The following FHOD3 variants were observed in gnomAD, a reference collection of about 807,000 sequenced individuals.
FHOD3 encodes FH1/FH2 domain-containing protein 3.
In FHOD3, 90 loss-of-function variants were observed where a neutral mutation model predicts 173.0. The observed-to-expected ratio is 0.52, with a 90% CI of 0.44 to 0.62. The LOEUF (loss-of-function observed/expected upper bound fraction) is 0.62. FHOD3 is among the 20% of genes least tolerant of loss of function. The pLI, the probability that FHOD3 is intolerant of heterozygous loss-of-function variation, is 0.00. For missense variants in FHOD3, 1,945 were observed against 2,034.7 expected, an observed-to-expected ratio of 0.96 and a Z score of 0.85; for synonymous variants, 828 against 823.0, an observed-to-expected ratio of 1.01 and a Z score of -0.10.
rs564867227 is a variant in FHOD3, at chr18:36,691,196, G to A, written c.2022-2013G>A. ...TGCAGAAGGCCAGGACCAGGAATGA[G>A]CCAGCAAAAATGAATGCAGCAAGTG... On this transcript the variant is annotated intron_variant, in intron 16 of 28. Transcript: ENST00000590592. Among the ~76,000 whole-genome samples the A allele has an allele frequency of 9.9e-5, 15 of 152,210 alleles. No individual in the cohort carries two copies. The South Asian group carries it at 3.1e-3, about 32-fold the overall frequency.
chr18:36,505,598 A>G (rs1818415603), intron 4 of FHOD3, among the ~76,000 whole-genome samples: 1 of 152,236 alleles, frequency 6.6e-6, no homozygotes, highest in Admixed American at 6.5e-5. Flanking sequence ...CAACAGGGTG[A>G]TTGAAGAAAT....
intron 17 of FHOD3, among the ~76,000 whole-genome samples, chr18:36,703,455 C>T (rs1208857026): frequency 2.6e-5 from 4 of 152,134 alleles, no homozygotes; most frequent in Non-Finnish European, 5.9e-5. Flanking sequence ...TGCTTAACCT[C>T]TCTGAACATG....
At chr18:36,542,331 G>A (rs867297943) in intron 5 of FHOD3, among the ~76,000 whole-genome samples, 22 of 152,210 alleles carry the variant, frequency 1.4e-4, no homozygotes, top group Middle Eastern at 6.8e-3. Context: ...TCTCTGTTAT[G>A]AACTCAAATC....
intron 5 of FHOD3, among the ~76,000 whole-genome samples, chr18:36,575,437 T>G (rs2058613381): frequency 6.6e-6 from 1 of 152,244 alleles, no homozygotes; most frequent in Non-Finnish European, 1.5e-5. Context: ...AAACTTTGTG[T>G]GTGTTTGTAA....
At chr18:36,763,545 G>A (rs1395822043) in intron 27 of FHOD3, among the ~76,000 whole-genome samples, 5 of 136,672 alleles carry the variant, frequency 3.7e-5, no homozygotes, top group Admixed American at 1.5e-4. Flanking sequence ...TATTATACAC[G>A]TTATATATAA....
intron 23 of FHOD3, among the ~76,000 whole-genome samples, chr18:36,745,228 A>C (rs1317260612): frequency 6.6e-6 from 1 of 152,180 alleles, no homozygotes; most frequent in African/African-American, 2.4e-5. Flanking sequence ...AGGTGCACCG[A>C]GCAGGGGACC....
chr18:36,475,478 G>C (rs1430571986), intron 3 of FHOD3, among the ~76,000 whole-genome samples: 1 of 151,304 alleles, frequency 6.6e-6, no homozygotes, highest in African/African-American at 2.4e-5. Context: ...CTCGTGGAGG[G>C]GTTGGGTGCG....
rs539456000 is a variant in FHOD3 at position 36,298,013 on chromosome 18, G to A, written c.165+13G>A. On this transcript the variant is annotated intron_variant, in intron 1 of 28. Coordinates refer to ENST00000590592, the MANE Select transcript of FHOD3 (RefSeq NM_001281740.3). ...GGCGCCGCACAAGGTACGACCCGGC[G>A]GGGTGGGCTGGGCCCCCTGGACTCA... 54 of 1,517,534 alleles carry A rather than the reference G, an allele frequency of 3.6e-5. No homozygotes were observed. The African/African-American group carries it at 7.3e-4, about 21-fold the overall frequency. 94.0% of individuals were successfully genotyped at this position (1,517,534 alleles called of 1,614,324 possible).
At chr18:36,341,823 C>T (rs2045639721) in intron 1 of FHOD3, among the ~76,000 whole-genome samples, 1 of 152,042 alleles carries the variant, frequency 6.6e-6, no homozygotes, top group Admixed American at 6.5e-5. Flanking sequence ...AAACATTATC[C>T]AGGACCTCTA....
chr18:36,752,458 G>A (rs2042443643), intron 24 of FHOD3, among the ~76,000 whole-genome samples: 1 of 152,178 alleles, frequency 6.6e-6, no homozygotes, highest in South Asian at 2.1e-4. Context: ...TGTTTGACTT[G>A]TGCTTTGGCT....
intron 3 of FHOD3, among the ~76,000 whole-genome samples, chr18:36,454,279 G>A (rs765962185): frequency 2.3e-4 from 35 of 151,668 alleles, no homozygotes; most frequent in Non-Finnish European, 5.0e-4. Flanking sequence ...CACACAAGAG[G>A]GTACACACAG....
chr18:36,597,898 T>TG (rs2148415085), intron 7 of FHOD3, among the ~76,000 whole-genome samples: 1 of 152,256 alleles, frequency 6.6e-6, no homozygotes, highest in South Asian at 2.1e-4. Flanking sequence ...TGGACATGTG[T>TG]GGTCTTGGCT....
intron 14 of FHOD3, among the ~76,000 whole-genome samples, chr18:36,662,467 G>T (rs1433558563): frequency 6.6e-6 from 1 of 152,168 alleles, no homozygotes. Flanking sequence ...CATGCATTCT[G>T]TTCTCTTTTC....
At position 36,602,654 on chromosome 18, in the gene FHOD3, G is replaced by T. The variant is rs764619786; in HGVS notation, c.719-20G>T. Reference sequence around the variant, plus strand: ...ATGTTGATGAATTGCTGTTTCTAATGATTTTTGCTTTACTCATAGGGGTCA... The same window carrying T: ...ATGTTGATGAATTGCTGTTTCTAATTATTTTTGCTTTACTCATAGGGGTCA... On this transcript the variant is annotated intron_variant, in intron 7 of 28. Transcript: ENST00000590592. 1.6e-5 allele frequency: 25 copies of T among 1,560,762 alleles called. No homozygotes were observed. Among genetic ancestry groups the T allele is most frequent in the Non-Finnish European group, 2.2e-5 (25 of 1,131,492 alleles).
rs138136318 is a variant in FHOD3, at chr18:36,355,526, C to G, written c.166-13C>G. ...AGGAGCAGGTTGGGTATAACAGGCT[C>G]TTTCTCTTGCAGCTGGATGACTGTA... On this transcript the variant is annotated splice_polypyrimidine_tract_variant and intron_variant, in intron 1 of 28. Coordinates refer to ENST00000590592, the MANE Select transcript of FHOD3 (RefSeq NM_001281740.3). The G allele has an allele frequency of 1.5e-4, 242 of 1,613,568 alleles. 1 individual carries two copies. In the East Asian group the frequency reaches 5.3e-3, roughly 35 times the overall value.
At chr18:36,768,268 T>G (rs1013359119) in intron 27 of FHOD3, among the ~76,000 whole-genome samples, 4 of 152,274 alleles carry the variant, frequency 2.6e-5, no homozygotes, top group Admixed American at 1.3e-4. Flanking sequence ...ATTACAAAGA[T>G]GTAGTTCTGG....
intron 1 of FHOD3, among the ~76,000 whole-genome samples, chr18:36,353,495 A>T (rs892208790): frequency 6.6e-6 from 1 of 152,160 alleles, no homozygotes; most frequent in African/African-American, 2.4e-5. Context: ...TTGAAATCTC[A>T]CTTATAGCAG....
intron 2 of FHOD3, among the ~76,000 whole-genome samples, chr18:36,357,336 T>G (rs1042637786): frequency 2.6e-5 from 4 of 152,226 alleles, no homozygotes; most frequent in Admixed American, 1.3e-4. Context: ...TGTCTGAATG[T>G]CCAGGATTTG....
intron 1 of FHOD3, among the ~76,000 whole-genome samples, chr18:36,318,720 C>A (rs2044251823): frequency 6.6e-6 from 1 of 152,200 alleles, no homozygotes; most frequent in Admixed American, 6.5e-5. Flanking sequence ...TTCTTTCTTT[C>A]TCTTGCCTGA....
Sources: gnomAD v4.1 joint callset for allele counts (sites outside exome capture counted in the v4.1 genomes callset) on GRCh38, gnomAD v4.1.1 for gene constraint, MANE v1.5 for transcripts, NCBI Gene and HGNC (gene_info 2026-07-23, HGNC 2026-07-21) for gene names.